CNDP1: variants seen among roughly 807,000 people sequenced by gnomAD.
CNDP1 encodes the protein beta-Ala-His dipeptidase.
CNDP1 carries 44 observed loss-of-function variants against 58.1 expected under a neutral mutation model. The observed-to-expected ratio is 0.76, with a 90% CI of 0.60 to 0.97. The LOEUF (loss-of-function observed/expected upper bound fraction) is 0.97, where lower values mean the gene tolerates loss of function less well. CNDP1 is among the 50% of genes least tolerant of loss of function. The pLI is 0.00. For missense variants in CNDP1, 616 were observed against 655.1 expected, an observed-to-expected ratio of 0.94 and a Z score of 0.65; for synonymous variants, 254 against 252.6, an observed-to-expected ratio of 1.01 and a Z score of -0.05.
At chr18:74,578,676 A>G (rs1243123754) in intron 9 of CNDP1, among the ~76,000 whole-genome samples, 2 of 152,196 alleles carry the variant, frequency 1.3e-5, no homozygotes, top group Admixed American at 1.3e-4. Flanking sequence ...AGTATATGCA[A>G]TTACAGCAGT....
chr18:74,538,706 G>C (rs1166384345), intron 1 of CNDP1, among the ~76,000 whole-genome samples: 1 of 152,142 alleles, frequency 6.6e-6, no homozygotes, highest in African/African-American at 2.4e-5. Context: ...CTTGTTATCT[G>C]ACTTTGTGAT....
chr18:74,547,300 G>A (rs117817738), intron 1 of CNDP1, among the ~76,000 whole-genome samples: 4,120 of 152,218 alleles, frequency 0.027, 78 homozygotes, highest in South Asian at 0.04. Context: ...TAGAATTCTC[G>A]GCTTCCAGGA....
At chr18:74,580,826 GGGCGTGGT>G (rs1008068060) in intron 10 of CNDP1, among the ~76,000 whole-genome samples, 1 of 152,144 alleles carries the variant, frequency 6.6e-6, no homozygotes, top group Admixed American at 6.5e-5. Flanking sequence ...AAAATTAGCT[GGGCGTGGT>G]GGCACATGCC....
chr18:74,536,059 T>C (rs143181223), intron 1 of CNDP1, among the ~76,000 whole-genome samples: 1 of 152,316 alleles, frequency 6.6e-6, no homozygotes, highest in East Asian at 1.9e-4. Flanking sequence ...ATATTTTGTT[T>C]TGGACTCAAT....
At position 74,586,833 on chromosome 18, in the gene CNDP1, C is replaced by T. The variant is rs1443557849; in HGVS notation, c.*2271C>T. The T allele has an allele frequency of 6.6e-6, 1 of 152,206 alleles. No homozygotes were observed. The allele number at this position is 152,206 out of a possible 1,614,324, so 9.4% of individuals were successfully genotyped here. A position where few individuals can be genotyped will look rare whatever the true frequency, so the allele number is the denominator to read the frequency against. Reference sequence around the variant, plus strand: ...AGGAGTATCTTCCAAGCTCCTTGTACTCAAAGGGATAAAAGAAAGCTACTC... The same window carrying T: ...AGGAGTATCTTCCAAGCTCCTTGTATTCAAAGGGATAAAAGAAAGCTACTC... On this transcript the variant is annotated 3_prime_UTR_variant, in exon 12 of 12. Transcript: ENST00000358821.
intron 3 of CNDP1, among the ~76,000 whole-genome samples, 189 bp downstream of exon 3, chr18:74,559,661 G>C (rs1981137331): frequency 6.6e-6 from 1 of 152,136 alleles, no homozygotes; most frequent in African/African-American, 2.4e-5. Flanking sequence ...AGTCTTGTCA[G>C]GACTCTGGGG....
chr18:74,573,862 C>T (rs952531520), intron 7 of CNDP1, among the ~76,000 whole-genome samples: 22 of 149,896 alleles, frequency 1.5e-4, no homozygotes, highest in African/African-American at 5.5e-4. Context: ...AAGTCAAAAA[C>T]GTGGTTTGAC....
intron 11 of CNDP1, chr18:74,584,117 T>TTTA (rs1378295774): frequency 3.2e-6 from 1 of 314,556 alleles, no homozygotes; most frequent in Admixed American, 4.6e-5. Context: ...AACACAAATA[T>TTTA]TTAGTGCATA....
chr18:74,561,129 C>T (rs1232075993), intron 4 of CNDP1, 111 bp downstream of exon 4: 2 of 1,359,688 alleles, frequency 1.5e-6, no homozygotes, highest in Non-Finnish European at 2.0e-6. Context: ...ATTAAGAATG[C>T]ATAGGCCGGG....
chr18:74,538,564 T>C (rs12964027), intron 1 of CNDP1, among the ~76,000 whole-genome samples: 141,147 of 152,172 alleles, frequency 0.93, 66,398 homozygotes, highest in East Asian at 1. Flanking sequence ...GGGAGTGGAA[T>C]TGCCGGTTGA....
intron 6 of CNDP1, among the ~76,000 whole-genome samples, chr18:74,568,370 A>C (rs1420929654): frequency 4.6e-5 from 7 of 152,230 alleles, no homozygotes; most frequent in Non-Finnish European, 8.8e-5. Context: ...GTTTACTTCT[A>C]GTGAGACACA....
rs992496685 is a variant in CNDP1 at position 74,585,297 on chromosome 18, ACTCT to A, written c.*742_*745del. 6.6e-6 allele frequency: 1 copy of A among 151,794 alleles called. No individual in the cohort carries two copies. Among genetic ancestry groups the A allele is most frequent in the Non-Finnish European group, 1.5e-5 (1 of 68,016 alleles). The allele number at this position is 151,794 out of a possible 1,614,324, so 9.4% of individuals were successfully genotyped here. A position where few individuals can be genotyped will look rare whatever the true frequency, so the allele number is the denominator to read the frequency against. On this transcript the variant is annotated 3_prime_UTR_variant, in exon 12 of 12. Transcript: ENST00000358821. The stretch of plus-strand genomic sequence containing the variant: ...CTTCCTGTCCCATCAGAAAAGGCCC[ACTCT>A]CTCTCTATCCAACATCTGTGCACAG...
chr18:74,551,927 A>T (rs1980921747), intron 1 of CNDP1, among the ~76,000 whole-genome samples: 1 of 152,022 alleles, frequency 6.6e-6, no homozygotes, highest in Non-Finnish European at 1.5e-5. Context: ...AAAACAAAAA[A>T]AAAACCAGTA....
At chr18:74,566,792 T>C (rs4891561) in intron 5 of CNDP1, among the ~76,000 whole-genome samples, 150,425 of 152,354 alleles carry the variant, frequency 0.99, 74,288 homozygotes, top group East Asian at 1. Context: ...GTTCCAAAGT[T>C]GCTTCCAAAT....
intron 1 of CNDP1, among the ~76,000 whole-genome samples, chr18:74,540,393 C>T (rs967864144): frequency 2.0e-5 from 3 of 152,152 alleles, no homozygotes; most frequent in Non-Finnish European, 2.9e-5. Flanking sequence ...CTCCTGACCT[C>T]AGGTGATCCA....
At chr18:74,562,330 A>G (rs181867456) in intron 5 of CNDP1, among the ~76,000 whole-genome samples, 195 bp downstream of exon 5, 27 of 152,360 alleles carry the variant, frequency 1.8e-4, no homozygotes, top group African/African-American at 5.8e-4. Context: ...GAACTTACCC[A>G]GAGCAGTGAA....
Position 74,580,316 on chromosome 18 carries a change from CAG to C in CNDP1, c.1309+46_1309+47del, listed in dbSNP as rs769304963. 2.5e-6 allele frequency: 4 copies of C among 1,602,314 alleles called. No homozygotes were observed. In the South Asian group the frequency reaches 3.3e-5, roughly 13 times the overall value. On this transcript the variant is annotated intron_variant, in intron 10 of 11. Coordinates refer to ENST00000358821, the MANE Select transcript of CNDP1 (RefSeq NM_032649.6). ...TGACTGGCCAATCTGCACTGGGACT[CAG>C]GGGTGGTACCCGTGGGACCGTGGGT...
chr18:74,578,807 CA>C (rs1231549517), intron 9 of CNDP1, among the ~76,000 whole-genome samples: 2 of 152,144 alleles, frequency 1.3e-5, no homozygotes, highest in East Asian at 3.8e-4. Flanking sequence ...TGGACAGAAG[CA>C]GAAAGTCTCA....
chr18:74,583,778 G>T, intron 11 of CNDP1, 70 bp downstream of exon 11: 1 of 1,451,526 alleles, frequency 6.9e-7, no homozygotes. Flanking sequence ...CTACACGTGG[G>T]TGAGCTCCTG....
Sources: allele counts gnomAD v4.1 joint callset (sites outside exome capture counted in the v4.1 genomes callset), GRCh38; gene constraint gnomAD v4.1.1; transcripts MANE v1.5; gene names NCBI Gene and HGNC (gene_info 2026-07-23, HGNC 2026-07-21).